Variants in RASEF observed in about 807,000 individuals in gnomAD.
RASEF encodes the protein ras and EF-hand domain-containing protein.
RASEF carries 68 observed loss-of-function variants against 90.1 expected under a neutral mutation model. The ratio of observed to expected loss-of-function variants is 0.75; its 90% CI spans 0.62 to 0.92. The LOEUF (loss-of-function observed/expected upper bound fraction) is 0.92, where lower values mean the gene tolerates loss of function less well. Ranked by LOEUF, RASEF falls within the 40% of genes least tolerant of loss-of-function variation. The probability of loss-of-function intolerance (pLI) is 0.00; values close to 1 mark genes in which losing one functional copy is unlikely to be tolerated. For synonymous variants in RASEF, 331 were observed against 345.2 expected, an observed-to-expected ratio of 0.96 and a Z score of 0.46; for missense variants, 949 against 937.2, an observed-to-expected ratio of 1.01 and a Z score of -0.16.
chr9:82,982,833 G>GAA, intron 16 of RASEF, 51 bp from the exon 17 acceptor site: 1 of 1,012,966 alleles, frequency 9.9e-7, no homozygotes, highest in Non-Finnish European at 1.6e-6. Context: ...GAGAGAGAGA[G>GAA]GATTACTGAG....
At chr9:83,144,366 A>AGGAAG in the RASEF span, among the ~76,000 whole-genome samples, 14 of 74,856 alleles carry the variant, frequency 1.9e-4, no homozygotes, top group African/African-American at 6.3e-4. Context: ...AAAGAAAGAA[A>AGGAAG]GAAAGAAAGA....
the RASEF span, among the ~76,000 whole-genome samples, chr9:83,193,616 A>C: frequency 1.3e-5 from 2 of 152,198 alleles, no homozygotes; most frequent in East Asian, 3.8e-4. Flanking sequence ...TCTTCCTCTA[A>C]GTGGCCTCAT....
the RASEF span, among the ~76,000 whole-genome samples, chr9:83,214,070 T>G: frequency 6.6e-6 from 1 of 152,196 alleles, no homozygotes; most frequent in Non-Finnish European, 1.5e-5. Flanking sequence ...CACTATAGTC[T>G]GAGCAACACA....
intron 16 of RASEF, among the ~76,000 whole-genome samples, chr9:82,986,201 A>C (rs529286475): frequency 6.6e-6 from 1 of 152,320 alleles, no homozygotes; most frequent in South Asian, 2.1e-4. Flanking sequence ...GCCACTTACT[A>C]GCTGTGTCAC....
intron 3 of RASEF, among the ~76,000 whole-genome samples, chr9:83,017,002 A>G (rs899670931): frequency 3.3e-5 from 5 of 152,216 alleles, no homozygotes; most frequent in Admixed American, 6.5e-5. Context: ...AAAAGGGGCT[A>G]TCTTGACTTC....
At chr9:83,190,672 T>C in the RASEF span, among the ~76,000 whole-genome samples, 1 of 152,254 alleles carries the variant, frequency 6.6e-6, no homozygotes, top group Non-Finnish European at 1.5e-5. Context: ...GGAAAAGGCA[T>C]GGCTGTTTGC....
At chr9:83,105,270 T>C in the RASEF span, among the ~76,000 whole-genome samples, 1 of 152,042 alleles carries the variant, frequency 6.6e-6, no homozygotes, top group Non-Finnish European at 1.5e-5. Context: ...AGTCACAAAG[T>C]CAAATGAGAT....
intron 8 of RASEF, among the ~76,000 whole-genome samples, chr9:83,004,992 TG>T (rs1829102685): frequency 6.6e-6 from 1 of 152,112 alleles, no homozygotes. Flanking sequence ...CTTCCAAAAG[TG>T]GGATAAGAGG....
chr9:83,005,351 T>G (rs1172647362), intron 8 of RASEF, 65 bp downstream of exon 8: 3 of 1,162,896 alleles, frequency 2.6e-6, no homozygotes, highest in Non-Finnish European at 3.9e-6. Context: ...TACATTATTT[T>G]CATCAACACC....
chr9:83,134,693 C>CTA, the RASEF span, among the ~76,000 whole-genome samples: 1 of 152,118 alleles, frequency 6.6e-6, no homozygotes, highest in African/African-American at 2.4e-5. Flanking sequence ...AGAAAACAGT[C>CTA]TAGCAGTTCC....
At chr9:83,094,253 C>T in the RASEF span, among the ~76,000 whole-genome samples, 1 of 148,122 alleles carries the variant, frequency 6.8e-6, no homozygotes, top group African/African-American at 2.6e-5. Flanking sequence ...ATATGTCCAC[C>T]TGAATTTAGA....
intron 8 of RASEF, 33 bp from the exon 9 acceptor site, chr9:83,004,619 T>G (rs1829097220): frequency 7.4e-7 from 1 of 1,347,060 alleles, no homozygotes; most frequent in Admixed American, 1.7e-5. Context: ...TGTTAGTTCA[T>G]GTAATTTTCA....
chr9:83,135,298 G>A, the RASEF span, among the ~76,000 whole-genome samples: 3 of 151,974 alleles, frequency 2.0e-5, no homozygotes, highest in African/African-American at 7.3e-5. Context: ...ATTGAACAAT[G>A]AGAACACTTG....
At chr9:83,048,363 C>A in intron 1 of RASEF, 1 of 985,394 alleles carries the variant, frequency 1.0e-6, no homozygotes, top group Admixed American at 6.1e-5. Flanking sequence ...CTGACCACCA[C>A]TGAGATCTGG....
the RASEF span, among the ~76,000 whole-genome samples, chr9:83,075,268 A>G: frequency 6.6e-6 from 1 of 152,160 alleles, no homozygotes; most frequent in East Asian, 1.9e-4. Flanking sequence ...GCTTAACCCC[A>G]ATTCTATTTA....
the RASEF span, among the ~76,000 whole-genome samples, chr9:83,145,192 G>A: frequency 2.0e-5 from 3 of 151,994 alleles, no homozygotes; most frequent in Admixed American, 2.0e-4. Context: ...AATACAGACA[G>A]GACAGAACCC....
the RASEF span, among the ~76,000 whole-genome samples, chr9:83,109,404 C>T: frequency 6.6e-6 from 1 of 152,126 alleles, no homozygotes; most frequent in Non-Finnish European, 1.5e-5. Flanking sequence ...TATTAATGTG[C>T]TCACAAAACA....
chr9:83,151,099 AGTT>A, the RASEF span, among the ~76,000 whole-genome samples: 5,991 of 152,098 alleles, frequency 0.039, 354 homozygotes, highest in African/African-American at 0.14. Context: ...GACAATCAAA[AGTT>A]GTTTTTTTTT....
chr9:83,064,462 T>C (rs1218223573), upstream of RASEF, among the ~76,000 whole-genome samples: 1 of 152,242 alleles, frequency 6.6e-6, no homozygotes, highest in African/African-American at 2.4e-5. Context: ...ATTCTAAAGA[T>C]TGATTTTTCC....
Sources: allele counts gnomAD v4.1 joint callset (sites outside exome capture counted in the v4.1 genomes callset), GRCh38; gene constraint gnomAD v4.1.1; transcripts MANE v1.5; gene names NCBI Gene and HGNC (gene_info 2026-07-23, HGNC 2026-07-21).